Variants in CTNNA2 observed in about 807,000 individuals in gnomAD.
The protein encoded by CTNNA2 is catenin alpha-2.
A neutral mutation model predicts 101.0 loss-of-function variants in CTNNA2; 42 were observed. That is an observed-to-expected ratio of 0.42 (90% CI 0.32 to 0.54). CTNNA2 has a LOEUF of 0.54. Ranked by LOEUF, CTNNA2 falls within the 20% of genes least tolerant of loss-of-function variation. The probability of loss-of-function intolerance (pLI) is 0.14; values close to 1 mark genes in which losing one functional copy is unlikely to be tolerated. For synonymous variants in CTNNA2, 450 were observed against 456.4 expected, an observed-to-expected ratio of 0.99 and a Z score of 0.18; for missense variants, 871 against 1,223.1, an observed-to-expected ratio of 0.71 and a Z score of 4.29.
At chr2:79,473,105 T>G (rs1293398271) in intron 4 of CTNNA2, among the ~76,000 whole-genome samples, 1 of 152,172 alleles carries the variant, frequency 6.6e-6, no homozygotes, top group African/African-American at 2.4e-5. Context: ...ATGATTACTT[T>G]TGTATTCTCC....
rs1299866309 is a variant in CTNNA2 at position 80,552,029 on chromosome 2, A to C, written c.1541-3664A>C. On this transcript the variant is annotated intron_variant, in intron 11 of 18. Coordinates refer to ENST00000402739, the MANE Select transcript of CTNNA2 (RefSeq NM_001282597.3). ...TATTGTTGCGTCTCAGGGAATAAGA[A>C]GCTTGAGAAGAGGGAGAGAGATGGC... 3.9e-5 allele frequency among the ~76,000 whole-genome samples: 6 copies of C among 152,132 alleles called. No individual in the cohort carries two copies. In the East Asian group the frequency reaches 1.2e-3, roughly 29 times the overall value.
At chr2:79,651,771 C>T (rs900632375) in intron 2 of CTNNA2, 113 bp downstream of exon 2, 11 of 844,050 alleles carry the variant, frequency 1.3e-5, no homozygotes, top group African/African-American at 3.4e-5. Flanking sequence ...GCCATGATTC[C>T]GATTACTGAA....
intron 3 of CTNNA2, among the ~76,000 whole-genome samples, chr2:79,827,040 T>G (rs75860603): frequency 0.055 from 8,444 of 152,206 alleles, 588 homozygotes; most frequent in East Asian, 0.32. Context: ...CTGTAATTTT[T>G]TTTTGTTTTG....
At chr2:79,428,574 A>C (rs539361844) in intron 4 of CTNNA2, among the ~76,000 whole-genome samples, 33 of 152,196 alleles carry the variant, frequency 2.2e-4, no homozygotes, top group African/African-American at 7.2e-4. Context: ...GAGAAAGTAC[A>C]ATATTGAGAC....
chr2:80,260,286 C>A (rs1290984293), intron 7 of CTNNA2, among the ~76,000 whole-genome samples: 1 of 152,148 alleles, frequency 6.6e-6, no homozygotes, highest in Non-Finnish European at 1.5e-5. Flanking sequence ...TTCCATTAAT[C>A]TGACAGTGAA....
chr2:79,391,922 A>G (rs981251551), intron 4 of CTNNA2, among the ~76,000 whole-genome samples: 1 of 152,094 alleles, frequency 6.6e-6, no homozygotes, highest in Admixed American at 6.6e-5. Context: ...GCAGATGGCC[A>G]TCTTGCTGCA....
At chr2:80,398,528 C>T (rs1678249420) in intron 8 of CTNNA2, among the ~76,000 whole-genome samples, 1 of 151,800 alleles carries the variant, frequency 6.6e-6, no homozygotes, top group African/African-American at 2.4e-5. Flanking sequence ...ATTTGAAATA[C>T]AAGAAACATG....
chr2:79,539,276 A>G (rs976393302), intron 1 of CTNNA2, among the ~76,000 whole-genome samples: 2 of 152,180 alleles, frequency 1.3e-5, no homozygotes, highest in Non-Finnish European at 2.9e-5. Flanking sequence ...TAATTGTTGA[A>G]ACTTTTGCTT....
At chr2:80,370,133 C>A (rs1406175809) in intron 7 of CTNNA2, among the ~76,000 whole-genome samples, 1 of 152,144 alleles carries the variant, frequency 6.6e-6, no homozygotes, top group African/African-American at 2.4e-5. Flanking sequence ...TTATATTGTA[C>A]TGCCATGAAA....
In CTNNA2 at chr2:79,858,061, C is replaced by T. The variant is rs752704214; in HGVS notation, c.347C>T (p.Ser116Leu). The change falls in exon 4 of 19, where the codon TCG (serine) becomes TTG (leucine). Residue 116 changes from serine to leucine, a missense_variant. Ser to Leu is a moderately radical substitution (Grantham distance 145). Coordinates refer to ENST00000402739, the MANE Select transcript of CTNNA2 (RefSeq NM_001282597.3). ...ASSEFADDPC[S>L]SVKRGTMVRA... ...TCCGAGTTTGCAGATGACCCTTGCT[C>T]GTCGGTAAAGCGCGGCACCATGGTA... The T allele has an allele frequency of 9.9e-6, 16 of 1,613,962 alleles. No individual in the cohort carries two copies. Among genetic ancestry groups the T allele is most frequent in the Admixed American group, 3.3e-5 (2 of 60,002 alleles).
chr2:80,487,154 A>G (rs1366471928), intron 9 of CTNNA2, among the ~76,000 whole-genome samples: 2 of 151,618 alleles, frequency 1.3e-5, no homozygotes, highest in Non-Finnish European at 2.9e-5. Flanking sequence ...GGTGGTGCAC[A>G]CCTGTAATCC....
At chr2:79,507,137 T>G (rs1340280480) in intron 5 of CTNNA2, among the ~76,000 whole-genome samples, 3 of 152,166 alleles carry the variant, frequency 2.0e-5, no homozygotes, top group African/African-American at 7.2e-5. Context: ...GAAAAACACA[T>G]TGAGTCTCAG....
intron 1 of CTNNA2, among the ~76,000 whole-genome samples, chr2:79,631,026 T>C (rs549897483): frequency 2.0e-4 from 31 of 152,330 alleles, no homozygotes; most frequent in African/African-American, 6.7e-4. Flanking sequence ...TCTTTTCTCA[T>C]TGATCACAGG....
intron 1 of CTNNA2, among the ~76,000 whole-genome samples, chr2:79,628,601 A>AT (rs1679479353): frequency 6.6e-6 from 1 of 152,168 alleles, no homozygotes; most frequent in Non-Finnish European, 1.5e-5. Context: ...TAACTGAATT[A>AT]TTTTTTGCTC....
chr2:79,628,131 G>C (rs577460207), intron 1 of CTNNA2, among the ~76,000 whole-genome samples: 1 of 152,072 alleles, frequency 6.6e-6, no homozygotes, highest in Non-Finnish European at 1.5e-5. Context: ...TTCCAGAAAC[G>C]TGTTTTTTAA....
At chr2:79,707,908 G>A (rs530620661) in intron 2 of CTNNA2, among the ~76,000 whole-genome samples, 1 of 152,280 alleles carries the variant, frequency 6.6e-6, no homozygotes, top group South Asian at 2.1e-4. Context: ...CCCTGATCCT[G>A]TGTATCTTCT....
At chr2:79,235,872 C>T (rs1041074132) in intron 2 of CTNNA2, among the ~76,000 whole-genome samples, 8 of 152,172 alleles carry the variant, frequency 5.3e-5, no homozygotes, top group African/African-American at 1.9e-4. Flanking sequence ...CTATCAGTGA[C>T]AGGGATGGGT....
chr2:79,730,957 G>C (rs976915162), intron 2 of CTNNA2, among the ~76,000 whole-genome samples: 1 of 151,898 alleles, frequency 6.6e-6, no homozygotes, highest in African/African-American at 2.4e-5. Flanking sequence ...ATACTTTCCT[G>C]CTTGGATGTT....
chr2:80,226,427 G>A (rs1460379078), intron 7 of CTNNA2, among the ~76,000 whole-genome samples: 2 of 152,208 alleles, frequency 1.3e-5, no homozygotes, highest in East Asian at 1.9e-4. Flanking sequence ...CTGTTCAAAT[G>A]TGTTTGTTCG....
Sources: allele counts gnomAD v4.1 joint callset (sites outside exome capture counted in the v4.1 genomes callset), GRCh38; gene constraint gnomAD v4.1.1; transcripts MANE v1.5; gene names NCBI Gene and HGNC (gene_info 2026-07-23, HGNC 2026-07-21).